Variants in WWOX observed in about 807,000 individuals in gnomAD.
WWOX encodes WW domain-containing oxidoreductase.
WWOX carries 69 observed loss-of-function variants against 46.2 expected under a neutral mutation model. That is an observed-to-expected ratio of 1.49 (90% confidence interval 1.23 to 1.82). The LOEUF (loss-of-function observed/expected upper bound fraction) is 1.82. WWOX is among the 40% of genes most tolerant of loss of function. WWOX has a pLI of 0.00. For synonymous variants in WWOX, 359 were observed against 202.6 expected (o/e 1.77, Z -6.56); for missense variants, 919 against 542.6 (o/e 1.69, Z -6.89).
chr16:78,206,050 A>C (rs2036385238), intron 5 of WWOX, among the ~76,000 whole-genome samples: 1 of 149,836 alleles, frequency 6.7e-6, no homozygotes, highest in Non-Finnish European at 1.5e-5. Context: ...CATTGTGTTT[A>C]TCAATAGACG....
chr16:78,727,497 C>T (rs1286880457), intron 8 of WWOX, among the ~76,000 whole-genome samples: 1 of 152,046 alleles, frequency 6.6e-6, no homozygotes, highest in Non-Finnish European at 1.5e-5. Flanking sequence ...GTTTCCTAGC[C>T]CATAGCGAGT....
At chr16:78,744,264 A>C (rs551249784) in intron 8 of WWOX, among the ~76,000 whole-genome samples, 4 of 152,108 alleles carry the variant, frequency 2.6e-5, no homozygotes, top group African/African-American at 9.7e-5. Flanking sequence ...AAGGCACAGG[A>C]CTTTAGAAAC....
chr16:78,945,905 T>C (rs2151296793), intron 8 of WWOX, among the ~76,000 whole-genome samples: 1 of 152,300 alleles, frequency 6.6e-6, no homozygotes, highest in East Asian at 1.9e-4. Context: ...CCTTGTGACC[T>C]TGAACATGTC....
chr16:78,583,244 A>G (rs1314514687), intron 8 of WWOX, among the ~76,000 whole-genome samples: 3 of 152,194 alleles, frequency 2.0e-5, no homozygotes, highest in African/African-American at 4.8e-5. Context: ...AACCAGGGCC[A>G]AAGCAGTGCT....
intron 6 of WWOX, among the ~76,000 whole-genome samples, chr16:78,392,242 G>C (rs974409049): frequency 6.6e-6 from 1 of 152,068 alleles, no homozygotes; most frequent in African/African-American, 2.4e-5. Flanking sequence ...ATCAGCAACA[G>C]CATTAGTCTC....
chr16:78,178,546 C>T (rs1341263294), intron 5 of WWOX, among the ~76,000 whole-genome samples: 1 of 152,120 alleles, frequency 6.6e-6, no homozygotes, highest in African/African-American at 2.4e-5. Context: ...TCCTTTCATA[C>T]CCGGAATTCG....
intron 8 of WWOX, among the ~76,000 whole-genome samples, chr16:79,081,891 C>G (rs935743086): frequency 2.0e-5 from 3 of 152,144 alleles, no homozygotes; most frequent in African/African-American, 4.8e-5. Flanking sequence ...TAGTTTCACT[C>G]TGATGGGCGA....
At chr16:78,817,447 A>C (rs1232207564) in intron 8 of WWOX, among the ~76,000 whole-genome samples, 1 of 152,160 alleles carries the variant, frequency 6.6e-6, no homozygotes, top group African/African-American at 2.4e-5. Context: ...CATAAAACTG[A>C]AAGATCTATC....
intron 8 of WWOX, among the ~76,000 whole-genome samples, chr16:78,903,574 G>C (rs1256222627): frequency 6.6e-6 from 1 of 152,152 alleles, no homozygotes; most frequent in Non-Finnish European, 1.5e-5. Context: ...TCCTCCTTTT[G>C]TTACTTAGGC....
intron 8 of WWOX, among the ~76,000 whole-genome samples, chr16:78,683,604 G>T (rs1055958976): frequency 6.6e-6 from 1 of 151,796 alleles, no homozygotes; most frequent in African/African-American, 2.4e-5. Context: ...GTCTCGCTTT[G>T]TTGCCTAGGC....
At chr16:78,970,773 TGGG>T (rs764326293) in intron 8 of WWOX, among the ~76,000 whole-genome samples, 1 of 152,074 alleles carries the variant, frequency 6.6e-6, no homozygotes, top group Non-Finnish European at 1.5e-5. Flanking sequence ...TCGTGATTCT[TGGG>T]GGGCAACTAA....
At chr16:78,371,837 CTT>C (rs1378445404) in intron 5 of WWOX, among the ~76,000 whole-genome samples, 1 of 151,964 alleles carries the variant, frequency 6.6e-6, no homozygotes, top group African/African-American at 2.4e-5. Context: ...ATATTTCTCT[CTT>C]TTAATCATGT....
intron 8 of WWOX, among the ~76,000 whole-genome samples, chr16:79,079,006 T>C (rs2048711353): frequency 1.3e-5 from 2 of 152,214 alleles, no homozygotes; most frequent in African/African-American, 4.8e-5. Context: ...GATGCTAAAA[T>C]ATAATACATT....
chr16:78,189,812 G>A (rs1426035519), intron 5 of WWOX, among the ~76,000 whole-genome samples: 1 of 151,986 alleles, frequency 6.6e-6, no homozygotes, highest in Non-Finnish European at 1.5e-5. Context: ...CTGCCACCAC[G>A]CTCAGCTAAT....
At position 78,714,701 on chromosome 16, in the gene WWOX, C is replaced by T. The variant is rs147609124; in HGVS notation, c.1056+281949C>T. Among the ~76,000 whole-genome samples, 61 of 152,264 alleles carry T rather than the reference C, an allele frequency of 4.0e-4. 1 individual carries two copies. In the East Asian group the frequency reaches 0.01, roughly 25 times the overall value. On this transcript the variant is annotated intron_variant, in intron 8 of 8. Transcript: ENST00000566780. ...AAGAAGCAGTGTAGCATGTTTGAGA[C>T]ACTGAAGTCCAATGGAACTTGGGCG... is the stretch of plus-strand genomic sequence containing the variant.
intron 8 of WWOX, among the ~76,000 whole-genome samples, chr16:78,753,813 AAAAAAAAAAAAAATATAT>A (rs1233563901): frequency 9.9e-5 from 8 of 80,668 alleles, no homozygotes; most frequent in African/African-American, 3.7e-4. Flanking sequence ...AAAAAAAAAA[AAAAAAAAAAAAAATATAT>A]ATATATATAT....
rs1365566217 is a variant in WWOX, at chr16:79,211,988, C to G, written c.*192C>G. On this transcript the variant is annotated 3_prime_UTR_variant, in exon 9 of 9. Transcript: ENST00000566780. The stretch of plus-strand genomic sequence containing the variant: ...AGGGAATTCCTGGGGTAAAGTATCA[C>G]TTTTCTGGGGCTGGGCTAGGCATAG... 25 of 1,533,556 alleles carry G rather than the reference C, an allele frequency of 1.6e-5. No individual in the cohort carries two copies. In the Admixed American group the frequency reaches 3.9e-4, roughly 24 times the overall value. 95.0% of individuals were successfully genotyped at this position (1,533,556 alleles called of 1,614,324 possible). A position where few individuals can be genotyped will look rare whatever the true frequency, so the allele number is the denominator to read the frequency against.
intron 8 of WWOX, among the ~76,000 whole-genome samples, chr16:78,829,184 A>T (rs534845431): frequency 1.3e-5 from 2 of 152,294 alleles, no homozygotes; most frequent in East Asian, 3.9e-4. Flanking sequence ...GGACAGATAG[A>T]GATTTTTAGG....
intron 8 of WWOX, among the ~76,000 whole-genome samples, chr16:78,562,491 A>G (rs985321458): frequency 3.9e-5 from 6 of 152,212 alleles, no homozygotes; most frequent in Non-Finnish European, 7.3e-5. Flanking sequence ...TCCCAGGTTC[A>G]TGGAGGTACC....
Sources: allele counts gnomAD v4.1 joint callset (sites outside exome capture counted in the v4.1 genomes callset), GRCh38; gene constraint gnomAD v4.1.1; transcripts MANE v1.5; gene names NCBI Gene and HGNC (gene_info 2026-07-23, HGNC 2026-07-21).